The following BRINP3 variants were observed in gnomAD, a reference collection of about 807,000 sequenced individuals.
BRINP3 encodes the protein BMP/retinoic acid-inducible neural-specific protein 3.
In BRINP3, 19 loss-of-function variants were observed where a neutral mutation model predicts 71.0. That is an observed-to-expected ratio of 0.27 (90% CI 0.19 to 0.39). The LOEUF is 0.39. Ranked by LOEUF, BRINP3 falls within the 10% of genes least tolerant of loss-of-function variation. BRINP3 has a pLI of 1.00. For missense variants in BRINP3, 959 were observed against 940.8 expected (o/e 1.02, Z -0.25); for synonymous variants, 380 against 337.7 (o/e 1.13, Z -1.37).
At chr1:190,354,293 A>C (rs1277497275) in intron 2 of BRINP3, among the ~76,000 whole-genome samples, 2 of 151,940 alleles carry the variant, frequency 1.3e-5, no homozygotes, top group Admixed American at 6.6e-5. Context: ...ATGGGGTGCT[A>C]GTGGCATTAC....
intron 2 of BRINP3, among the ~76,000 whole-genome samples, chr1:190,448,757 T>C (rs1274379984): frequency 6.6e-6 from 1 of 151,914 alleles, no homozygotes; most frequent in African/African-American, 2.4e-5. Context: ...TTTACACTTA[T>C]TACATTTGCT....
At chr1:190,108,763 C>A (rs2102272924) in intron 7 of BRINP3, among the ~76,000 whole-genome samples, 1 of 151,596 alleles carries the variant, frequency 6.6e-6, no homozygotes, top group East Asian at 1.9e-4. Flanking sequence ...TCCCTCACCT[C>A]AGTGACAAGA....
intron 2 of BRINP3, among the ~76,000 whole-genome samples, chr1:190,292,436 T>C (rs1051916771): frequency 2.6e-5 from 4 of 152,104 alleles, no homozygotes; most frequent in African/African-American, 9.7e-5. Context: ...GGAAGATTGC[T>C]TGGGCCCAGG....
chr1:190,415,687 G>A (rs1344336703), intron 2 of BRINP3, among the ~76,000 whole-genome samples: 4 of 152,072 alleles, frequency 2.6e-5, no homozygotes. Context: ...GATTATGTGA[G>A]GCCAGGAGTT....
chr1:190,127,423 GT>G (rs1338766142), intron 7 of BRINP3, among the ~76,000 whole-genome samples: 1 of 151,790 alleles, frequency 6.6e-6, no homozygotes, highest in African/African-American at 2.4e-5. Context: ...AAGATCAGTT[GT>G]TTTTCAAGGT....
chr1:190,259,583 T>C (rs1307757730), intron 4 of BRINP3, among the ~76,000 whole-genome samples: 1 of 149,802 alleles, frequency 6.7e-6, no homozygotes, highest in African/African-American at 2.5e-5. Context: ...AAAGAAAGAA[T>C]TTCCATTCTC....
At chr1:190,162,103 G>GA (rs1651043310) in intron 6 of BRINP3, among the ~76,000 whole-genome samples, 1 of 150,708 alleles carries the variant, frequency 6.6e-6, no homozygotes, top group African/African-American at 2.4e-5. Flanking sequence ...ACTTTTTACA[G>GA]AAAAAAGAAA....
At chr1:190,380,010 A>AC (rs1258570949) in intron 2 of BRINP3, among the ~76,000 whole-genome samples, 1 of 124,558 alleles carries the variant, frequency 8.0e-6, no homozygotes, top group East Asian at 2.4e-4. Context: ...AAAAAAAAAA[A>AC]AAGAAAAAAG....
rs557533636 is a variant in BRINP3 at position 190,110,353 on chromosome 1, G to T, written c.1185-11219C>A. Among the ~76,000 whole-genome samples the T allele has an allele frequency of 1.8e-4, 27 of 152,212 alleles. No homozygotes were observed. The South Asian group carries it at 5.4e-3, about 30-fold the overall frequency. On this transcript the variant is annotated intron_variant, in intron 7 of 7. Coordinates refer to ENST00000367462, the MANE Select transcript of BRINP3 (RefSeq NM_199051.3). ...ATATTGTGAAAAAAAATTGAGAAAA[G>T]ATATTTTTCTAGGTAATTATAATCT...
At chr1:190,432,090 TAAAC>T (rs1024311495) in intron 2 of BRINP3, among the ~76,000 whole-genome samples, 2 of 152,088 alleles carry the variant, frequency 1.3e-5, no homozygotes, top group Non-Finnish European at 2.9e-5. Context: ...GCATTAGAAA[TAAAC>T]AAAACTGCAA....
chr1:190,364,245 G>A (rs1482101558), intron 2 of BRINP3, among the ~76,000 whole-genome samples: 1 of 151,444 alleles, frequency 6.6e-6, no homozygotes, highest in African/African-American at 2.4e-5. Context: ...ATTTTATAAT[G>A]TTTTTTTCCA....
At chr1:190,185,854 C>T (rs1356218689) in intron 6 of BRINP3, among the ~76,000 whole-genome samples, 1 of 152,028 alleles carries the variant, frequency 6.6e-6, no homozygotes, top group African/African-American at 2.4e-5. Flanking sequence ...TTTAAAAGTA[C>T]AGTTATTTCT....
At chr1:190,466,530 A>G (rs1286344953) in intron 1 of BRINP3, among the ~76,000 whole-genome samples, 1 of 151,836 alleles carries the variant, frequency 6.6e-6, no homozygotes, top group African/African-American at 2.4e-5. Flanking sequence ...CACAGGAAGA[A>G]ACTTTCAGAA....
chr1:190,340,471 A>C (rs1057370427), intron 2 of BRINP3, among the ~76,000 whole-genome samples: 11 of 151,836 alleles, frequency 7.2e-5, no homozygotes, highest in Admixed American at 6.6e-4. Context: ...TTATCTCTCC[A>C]TGGGTTTATT....
intron 7 of BRINP3, among the ~76,000 whole-genome samples, chr1:190,113,273 ACTC>A (rs1652846854): frequency 6.6e-6 from 1 of 151,306 alleles, no homozygotes; most frequent in South Asian, 2.1e-4. Flanking sequence ...TCATTCTCCC[ACTC>A]CTCCTCATCC....
At chr1:190,469,262 T>C (rs914628561) in intron 1 of BRINP3, among the ~76,000 whole-genome samples, 3 of 151,048 alleles carry the variant, frequency 2.0e-5, no homozygotes, top group African/African-American at 7.3e-5. Flanking sequence ...TTGACAATAT[T>C]ACTTACCACA....
intron 6 of BRINP3, among the ~76,000 whole-genome samples, chr1:190,186,919 C>G (rs1274940704): frequency 6.6e-6 from 1 of 152,082 alleles, no homozygotes; most frequent in Non-Finnish European, 1.5e-5. Context: ...CTAGATGAGT[C>G]TGGTTAGGTT....
At chr1:190,281,265 A>G (rs1663015173) in intron 3 of BRINP3, among the ~76,000 whole-genome samples, 1 of 151,928 alleles carries the variant, frequency 6.6e-6, no homozygotes. Context: ...TTATTCATGT[A>G]TTTTAAATAA....
intron 2 of BRINP3, among the ~76,000 whole-genome samples, chr1:190,340,945 A>G (rs1052675970): frequency 2.0e-5 from 3 of 151,766 alleles, no homozygotes; most frequent in African/African-American, 7.2e-5. Flanking sequence ...AGGCTTAAAG[A>G]TGTATCATTT....
Sources: gnomAD v4.1 joint callset for allele counts (sites outside exome capture counted in the v4.1 genomes callset) on GRCh38, gnomAD v4.1.1 for gene constraint, MANE v1.5 for transcripts, NCBI Gene and HGNC (gene_info 2026-07-23, HGNC 2026-07-21) for gene names.